HTR1F: variants seen among roughly 807,000 people sequenced by gnomAD.
The protein encoded by HTR1F is 5-hydroxytryptamine receptor 1F.
In HTR1F, 17 loss-of-function variants were observed where a neutral mutation model predicts 24.0. The observed-to-expected ratio is 0.71, with a 90% CI of 0.48 to 1.06. HTR1F has a LOEUF of 1.06. Among genes scored for constraint, HTR1F ranks in the 50% least tolerant of loss-of-function variants. The pLI is 0.00. For missense variants in HTR1F, 391 were observed against 427.8 expected (o/e 0.91, Z 0.76); for synonymous variants, 186 against 156.8 (o/e 1.19, Z -1.39).
intron 2 of HTR1F, among the ~76,000 whole-genome samples, chr3:87,849,748 A>C (rs922846900): frequency 1.1e-4 from 17 of 152,004 alleles, no homozygotes; most frequent in Admixed American, 5.9e-4. Context: ...CAATGAACTC[A>C]AACAAATTTA....
chr3:87,814,684 A>T (rs916105010), intron 1 of HTR1F, among the ~76,000 whole-genome samples: 1 of 152,200 alleles, frequency 6.6e-6, no homozygotes, highest in African/African-American at 2.4e-5. Context: ...GACAATAAAG[A>T]TAATAAACAT....
At chr3:87,938,942 C>A (rs1325507026) in intron 2 of HTR1F, among the ~76,000 whole-genome samples, 1 of 152,106 alleles carries the variant, frequency 6.6e-6, no homozygotes, top group Non-Finnish European at 1.5e-5. Context: ...ACATATGGAT[C>A]TAAACTTAAG....
intron 2 of HTR1F, among the ~76,000 whole-genome samples, chr3:87,870,053 A>G (rs7638490): frequency 0.083 from 12,628 of 152,154 alleles, 591 homozygotes; most frequent in East Asian, 0.16. Context: ...ATGCAATGAA[A>G]TTATGTTTAC....
chr3:87,795,209 C>A (rs1330767849), intron 1 of HTR1F, among the ~76,000 whole-genome samples: 1 of 152,112 alleles, frequency 6.6e-6, no homozygotes, highest in Non-Finnish European at 1.5e-5. Context: ...TGGTCTCGAT[C>A]TCCTGACCTC....
intron 2 of HTR1F, among the ~76,000 whole-genome samples, chr3:87,835,019 C>T (rs1202215175): frequency 6.6e-6 from 1 of 152,126 alleles, no homozygotes; most frequent in Non-Finnish European, 1.5e-5. Context: ...CAGAGAGCTA[C>T]AAAATGTAAA....
At chr3:87,823,851 G>A (rs538357024) in intron 2 of HTR1F, among the ~76,000 whole-genome samples, 3 of 152,214 alleles carry the variant, frequency 2.0e-5, no homozygotes, top group South Asian at 4.2e-4. Flanking sequence ...ACGAGTTCAA[G>A]AGATGGAGAC....
At chr3:87,795,276 G>T (rs1336879939) in intron 1 of HTR1F, among the ~76,000 whole-genome samples, 1 of 152,132 alleles carries the variant, frequency 6.6e-6, no homozygotes, top group Admixed American at 6.5e-5. Flanking sequence ...GAGCCACAGC[G>T]CCCGGCCAAC....
Position 87,808,220 on chromosome 3 carries a change from G to T in HTR1F, c.-159-13788G>T, listed in dbSNP as rs530055927. On this transcript the variant is annotated intron_variant, in intron 1 of 2. Transcript: ENST00000319595. Reference sequence around the variant, plus strand: ...TTAGTTCTTCTTTGACAGTTTGATAGAATTTGGCAGTGAAACCATTAGGTC... The same window carrying T: ...TTAGTTCTTCTTTGACAGTTTGATATAATTTGGCAGTGAAACCATTAGGTC... Among the ~76,000 whole-genome samples the T allele has an allele frequency of 2.8e-4, 43 of 152,000 alleles. No individual in the cohort carries two copies. In the South Asian group the frequency reaches 8.1e-3, roughly 29 times the overall value.
At chr3:87,979,081 GAGGA>G (rs1190125613) in intron 2 of HTR1F, among the ~76,000 whole-genome samples, 3 of 7,130 alleles carry the variant, frequency 4.2e-4, no homozygotes, top group African/African-American at 1.1e-3. Flanking sequence ...GGGAGGGGGG[GAGGA>G]AGGAAGGAAG....
intron 2 of HTR1F, among the ~76,000 whole-genome samples, chr3:87,885,635 C>T (rs548469156): frequency 6.6e-6 from 1 of 151,826 alleles, no homozygotes; most frequent in East Asian, 1.9e-4. Context: ...CAAATAGACG[C>T]AATAAAAAAT....
chr3:87,956,469 T>C (rs73141275), intron 2 of HTR1F, among the ~76,000 whole-genome samples: 2 of 151,498 alleles, frequency 1.3e-5, no homozygotes, highest in Non-Finnish European at 3.0e-5. Flanking sequence ...CTATGTTCTT[T>C]CTTAAAATAT....
intron 2 of HTR1F, among the ~76,000 whole-genome samples, chr3:87,903,432 A>C (rs550918877): frequency 6.6e-6 from 1 of 152,308 alleles, no homozygotes; most frequent in Non-Finnish European, 1.5e-5. Flanking sequence ...GTTACAGAAA[A>C]AAACAAACAA....
chr3:87,933,966 T>G (rs1704350118), intron 2 of HTR1F, among the ~76,000 whole-genome samples: 1 of 152,226 alleles, frequency 6.6e-6, no homozygotes, highest in South Asian at 2.1e-4. Context: ...CATCATTTTC[T>G]ATATTGCCAC....
intron 2 of HTR1F, among the ~76,000 whole-genome samples, chr3:87,844,048 TG>T: frequency 6.7e-6 from 1 of 149,206 alleles, no homozygotes; most frequent in Middle Eastern, 3.4e-3. Flanking sequence ...TACCCAGTAA[TG>T]GGATGGCTGG....
intron 2 of HTR1F, among the ~76,000 whole-genome samples, chr3:87,935,117 C>T (rs1704379730): frequency 1.3e-5 from 2 of 152,206 alleles, no homozygotes; most frequent in South Asian, 4.1e-4. Context: ...ATCCTCCTGA[C>T]TTGGCCTCCC....
rs576856616 is a variant in HTR1F, at chr3:87,988,683, A to G, written c.-42-2025A>G. ...ACTGCAACCTCCACTTCCCGAGTTC[A>G]AGCACCTCCGAAGTAGCTGGGACTA... On this transcript the variant is annotated intron_variant, in intron 2 of 2. Transcript: ENST00000319595. Among the ~76,000 whole-genome samples the G allele has an allele frequency of 1.7e-4, 26 of 151,962 alleles. No individual in the cohort carries two copies. The South Asian group carries it at 2.3e-3, about 13-fold the overall frequency.
intron 2 of HTR1F, among the ~76,000 whole-genome samples, chr3:87,822,588 A>G (rs1189201707): frequency 6.6e-6 from 1 of 152,224 alleles, no homozygotes; most frequent in East Asian, 1.9e-4. Flanking sequence ...TCAGTGGGAT[A>G]ACAGACTAGT....
chr3:87,898,406 A>G (rs1194969461), intron 2 of HTR1F, among the ~76,000 whole-genome samples: 5 of 152,120 alleles, frequency 3.3e-5, no homozygotes, highest in African/African-American at 1.2e-4. Flanking sequence ...GTTTTAGCTC[A>G]TGCTGATGTT....
chr3:87,869,088 C>G (rs886516138), intron 2 of HTR1F, among the ~76,000 whole-genome samples: 5 of 151,920 alleles, frequency 3.3e-5, no homozygotes, highest in African/African-American at 1.2e-4. Flanking sequence ...TAACTGCCCT[C>G]AATCCTTGAA....
Sources: allele counts gnomAD v4.1 joint callset (sites outside exome capture counted in the v4.1 genomes callset), GRCh38; gene constraint gnomAD v4.1.1; transcripts MANE v1.5; gene names NCBI Gene and HGNC (gene_info 2026-07-23, HGNC 2026-07-21).